Variants in CYP39A1 observed in about 807,000 individuals in gnomAD.
CYP39A1 encodes cytochrome P450 family 39 subfamily A member 1, also known as 24-hydroxycholesterol 7-alpha-hydroxylase.
A neutral mutation model predicts 58.1 loss-of-function variants in CYP39A1; 49 were observed. That is an observed-to-expected ratio of 0.84 (90% confidence interval 0.67 to 1.07). The LOEUF is 1.07. Ranked by LOEUF, CYP39A1 falls within the 50% of genes least tolerant of loss-of-function variation. The pLI is 0.00. For synonymous variants in CYP39A1, 209 were observed against 187.6 expected, an observed-to-expected ratio of 1.11 and a Z score of -0.93; for missense variants, 531 against 539.4, an observed-to-expected ratio of 0.98 and a Z score of 0.16.
intron 1 of CYP39A1, among the ~76,000 whole-genome samples, chr6:46,649,412 A>T (rs1292817345): frequency 2.0e-5 from 3 of 152,232 alleles, no homozygotes; most frequent in Non-Finnish European, 4.4e-5. Context: ...GACACTCAAA[A>T]GGAAGTGATT....
intron 7 of CYP39A1, among the ~76,000 whole-genome samples, chr6:46,624,480 C>T (rs1460135347): frequency 1.3e-5 from 2 of 152,050 alleles, no homozygotes; most frequent in Non-Finnish European, 2.9e-5. Flanking sequence ...CTGACGCATA[C>T]TCAAGGCTCA....
intron 2 of CYP39A1, among the ~76,000 whole-genome samples, chr6:46,640,092 CAGAG>C (rs1242913795): frequency 6.6e-6 from 1 of 152,146 alleles, no homozygotes; most frequent in Non-Finnish European, 1.5e-5. Context: ...GCCTGGGTGA[CAGAG>C]AGAGACTTTA....
intron 10 of CYP39A1, among the ~76,000 whole-genome samples, chr6:46,557,276 G>A (rs535561684): frequency 9.2e-5 from 14 of 151,964 alleles, no homozygotes; most frequent in African/African-American, 3.1e-4. Context: ...AGAAGTAATA[G>A]TGAAACATTT....
At chr6:46,645,414 T>A (rs552160767) in intron 1 of CYP39A1, among the ~76,000 whole-genome samples, 1 of 152,268 alleles carries the variant, frequency 6.6e-6, no homozygotes, top group South Asian at 2.1e-4. Context: ...AATTGCTCCA[T>A]CACCATTTGT....
chr6:46,586,056 G>T (rs1346437477), intron 10 of CYP39A1, among the ~76,000 whole-genome samples: 1 of 152,042 alleles, frequency 6.6e-6, no homozygotes, highest in African/African-American at 2.4e-5. Flanking sequence ...TAGATTTCTA[G>T]AATAATGCCT....
At chr6:46,604,189 A>G (rs1773692928) in intron 7 of CYP39A1, among the ~76,000 whole-genome samples, 1 of 152,214 alleles carries the variant, frequency 6.6e-6, no homozygotes, top group African/African-American at 2.4e-5. Context: ...GCAAATGTTA[A>G]GGAAATCAAT....
At chr6:46,650,456 G>A (rs1336633275) in intron 1 of CYP39A1, among the ~76,000 whole-genome samples, 3 of 119,600 alleles carry the variant, frequency 2.5e-5, no homozygotes, top group Non-Finnish European at 3.4e-5. Context: ...GCTTTTAGTA[G>A]TAAAACATCA....
Position 46,588,051 on chromosome 6 carries a change from G to C in CYP39A1, c.1144C>G (p.Pro382Ala), listed in dbSNP as rs1226953521. Residue 382 changes from proline (P) to alanine (A), a missense_variant, in exon 9 of 12, where the codon CCT becomes GCT. Transcript: ENST00000275016. ...TAACTTACAGGTTTGAACAATTCAG[G>C]CTCAGGAAAATACTTTGGATTTCTA... is the stretch of plus-strand genomic sequence containing the variant. ...LHRNPKYFPEPELFKPERWKK... is the reference protein window; with the variant it reads ...LHRNPKYFPEAELFKPERWKK... The C allele has an allele frequency of 1.9e-6, 3 of 1,577,850 alleles. No individual in the cohort carries two copies. In the South Asian group the frequency reaches 3.5e-5, roughly 18 times the overall value.
intron 11 of CYP39A1, 30 bp from the exon 12 acceptor site, chr6:46,550,467 A>G (rs377194478): frequency 3.8e-5 from 60 of 1,585,146 alleles, no homozygotes; most frequent in Admixed American, 6.8e-5. Flanking sequence ...AGAAATAGAA[A>G]TTAAGAGACA....
At chr6:46,617,859 G>C (rs1264159404) in intron 7 of CYP39A1, among the ~76,000 whole-genome samples, 3 of 152,184 alleles carry the variant, frequency 2.0e-5, no homozygotes, top group African/African-American at 4.8e-5. Flanking sequence ...AACTATTACT[G>C]TTTCTACTAC....
intron 10 of CYP39A1, among the ~76,000 whole-genome samples, chr6:46,572,688 T>A (rs1018458952): frequency 2.0e-5 from 3 of 152,160 alleles, no homozygotes; most frequent in African/African-American, 7.2e-5. Flanking sequence ...GTTTCACAGG[T>A]GTAAATGTCC....
In CYP39A1 at chr6:46,625,472, G is replaced by T. The variant is rs1238976781; in HGVS notation, c.877C>A (p.Pro293Thr). The change falls in exon 7 of 12, where the codon CCT (proline) becomes ACT (threonine). Residue 293 changes from proline (P) to threonine (T), a missense_variant. Coordinates refer to ENST00000275016, the MANE Select transcript of CYP39A1 (RefSeq NM_016593.5). Reference protein sequence around the residue: ...FWTLAYVLSHPDIHKAIMEGI... With the variant: ...FWTLAYVLSHTDIHKAIMEGI... ...TCCATAATGGCCTTGTGGATATCAG[G>T]ATGAGAAAGGACGTATGCAAGTGTC... 1 of 1,610,754 alleles carries T rather than the reference G, an allele frequency of 6.2e-7. No individual in the cohort carries two copies. Among genetic ancestry groups the T allele is most frequent in the Non-Finnish European group, 8.5e-7 (1 of 1,178,322 alleles).
intron 7 of CYP39A1, among the ~76,000 whole-genome samples, chr6:46,623,123 T>C (rs1338956297): frequency 6.6e-6 from 1 of 152,200 alleles, no homozygotes; most frequent in Non-Finnish European, 1.5e-5. Flanking sequence ...GAAAAACTGC[T>C]GTGCTGAGTC....
At chr6:46,559,909 A>C (rs1745327147) in intron 10 of CYP39A1, among the ~76,000 whole-genome samples, 1 of 152,220 alleles carries the variant, frequency 6.6e-6, no homozygotes, top group Non-Finnish European at 1.5e-5. Context: ...TATGTGCTTT[A>C]TATACTTCTA....
chr6:46,592,288 T>G (rs1464785203), intron 8 of CYP39A1, among the ~76,000 whole-genome samples: 1 of 152,094 alleles, frequency 6.6e-6, no homozygotes, highest in Non-Finnish European at 1.5e-5. Flanking sequence ...ATTGACCAGT[T>G]GCCCAACAGA....
intron 10 of CYP39A1, chr6:46,583,430 T>C (rs978870551): frequency 2.0e-6 from 2 of 985,212 alleles, no homozygotes; most frequent in Non-Finnish European, 2.4e-6. Context: ...TCAAAGAAGT[T>C]TTCCTCCACA....
intron 7 of CYP39A1, among the ~76,000 whole-genome samples, chr6:46,613,010 A>G (rs1774308635): frequency 6.6e-6 from 1 of 152,254 alleles, no homozygotes. Flanking sequence ...ACAAGTTATA[A>G]TATGGGTAAA....
At chr6:46,613,575 C>T (rs1230013393) in intron 7 of CYP39A1, among the ~76,000 whole-genome samples, 1 of 151,670 alleles carries the variant, frequency 6.6e-6, no homozygotes, top group African/African-American at 2.4e-5. Flanking sequence ...TAAATAAAGG[C>T]AAAGTAAAAC....
chr6:46,573,081 G>A (rs530036775), intron 10 of CYP39A1, among the ~76,000 whole-genome samples: 2 of 151,956 alleles, frequency 1.3e-5, no homozygotes, highest in Admixed American at 1.3e-4. Flanking sequence ...ATATTATTGA[G>A]TTCTCTTGTA....
Sources: gnomAD v4.1 joint callset for allele counts (sites outside exome capture counted in the v4.1 genomes callset) on GRCh38, gnomAD v4.1.1 for gene constraint, MANE v1.5 for transcripts, NCBI Gene and HGNC (gene_info 2026-07-23, HGNC 2026-07-21) for gene names.